Variants in IL1RAPL2 observed in about 807,000 individuals in gnomAD.
The protein encoded by IL1RAPL2 is interleukin 1 receptor accessory protein like 2, also known as X-linked interleukin-1 receptor accessory protein-like 2.
A neutral mutation model predicts 44.1 loss-of-function variants in IL1RAPL2; 3 were observed. That is an observed-to-expected ratio of 0.07 (90% CI 0.03 to 0.18). The LOEUF is 0.18. Ranked by LOEUF, IL1RAPL2 falls within the 10% of genes least tolerant of loss-of-function variation. The probability of loss-of-function intolerance (pLI) is 1.00; values close to 1 mark genes in which losing one functional copy is unlikely to be tolerated. For synonymous variants in IL1RAPL2, 181 were observed against 178.8 expected (o/e 1.01, Z -0.10); for missense variants, 391 against 496.4 (o/e 0.79, Z 2.02).
chrX:105,688,923 TC>T, intron 6 of IL1RAPL2, among the ~76,000 whole-genome samples: 1 of 110,922 alleles, frequency 9.0e-6, no homozygotes, highest in Non-Finnish European at 1.9e-5. Flanking sequence ...ACATCACACA[TC>T]TATAACAATC....
chrX:105,235,784 ATTATC>A (rs1273810425), intron 4 of IL1RAPL2, among the ~76,000 whole-genome samples: 1 of 112,424 alleles, frequency 8.9e-6, no homozygotes, highest in Non-Finnish European at 1.9e-5. Context: ...TGATTTCAAC[ATTATC>A]TTGTTTAAAT....
At chrX:105,724,215 C>A (rs1403942125) in intron 7 of IL1RAPL2, among the ~76,000 whole-genome samples, 14 of 108,635 alleles carry the variant, frequency 1.3e-4, no homozygotes, top group African/African-American at 4.9e-4. Context: ...TAAAACAATA[C>A]CTAGTAAAAA....
Position 104,779,684 on chromosome X carries a change from A to G in IL1RAPL2, c.82+120689A>G, listed in dbSNP as rs752764001. 3.6e-5 allele frequency among the ~76,000 whole-genome samples: 4 copies of G among 112,013 alleles called. No homozygotes were observed. In the South Asian group the frequency reaches 1.5e-3, roughly 42 times the overall value. ...TTTTAAAAAGGAAGGAACTAGGCAC[A>G]AGGAAGTTACATAGCTTGTCCAAGA... On this transcript the variant is annotated intron_variant, in intron 2 of 10. Coordinates refer to ENST00000372582, the MANE Select transcript of IL1RAPL2 (RefSeq NM_017416.2).
intron 2 of IL1RAPL2, among the ~76,000 whole-genome samples, chrX:104,664,096 C>T (rs972615647): frequency 1.2e-4 from 13 of 110,383 alleles, no homozygotes; most frequent in African/African-American, 3.6e-4. Context: ...TGGAATGTTC[C>T]ATTCTCTAAA....
intron 6 of IL1RAPL2, among the ~76,000 whole-genome samples, chrX:105,532,356 A>G (rs1345207972): frequency 1.8e-5 from 2 of 111,907 alleles, no homozygotes; most frequent in African/African-American, 6.5e-5. Context: ...TCACTCCTAC[A>G]TATAGACAAA....
intron 2 of IL1RAPL2, among the ~76,000 whole-genome samples, chrX:104,867,938 A>G (rs746662363): frequency 8.9e-6 from 1 of 112,079 alleles, no homozygotes; most frequent in Admixed American, 9.4e-5. Flanking sequence ...TTAACAGATT[A>G]ATCTGGAAGT....
intron 7 of IL1RAPL2, among the ~76,000 whole-genome samples, chrX:105,728,308 C>CACTT (rs1324583211): frequency 2.7e-5 from 3 of 111,527 alleles, no homozygotes; most frequent in African/African-American, 9.8e-5. Context: ...TGGCTTCTTT[C>CACTT]ACTTAGTAAT....
intron 5 of IL1RAPL2, among the ~76,000 whole-genome samples, chrX:105,335,466 C>T (rs184516513): frequency 1.8e-5 from 2 of 110,888 alleles, no homozygotes; most frequent in East Asian, 5.7e-4. Flanking sequence ...TTTTCTTCTC[C>T]TAGCAGCCAC....
rs549105191 is a variant in IL1RAPL2, at chrX:105,266,434, G to A, written c.544-954G>A. On this transcript the variant is annotated intron_variant, in intron 4 of 10. Coordinates refer to ENST00000372582, the MANE Select transcript of IL1RAPL2 (RefSeq NM_017416.2). ...TTGTACAGCATTCGGCTACCACTTT[G>A]GTAGAACATTTGAGGCGAATGATAG... 1.3e-3 allele frequency among the ~76,000 whole-genome samples: 141 copies of A among 111,487 alleles called. 1 individual carries two copies. The South Asian group carries it at 0.052, about 41-fold the overall frequency.
intron 2 of IL1RAPL2, among the ~76,000 whole-genome samples, chrX:105,038,189 C>T (rs1320611939): frequency 2.2e-5 from 2 of 90,411 alleles, no homozygotes; most frequent in Non-Finnish European, 4.3e-5. Flanking sequence ...CCTCTATCCA[C>T]TCCAATAAAC....
rs181867833 is a variant in IL1RAPL2, at chrX:105,196,033, G to A, written c.356+285G>A. 2.3e-3 allele frequency among the ~76,000 whole-genome samples: 260 copies of A among 111,600 alleles called. 1 individual carries two copies. Among genetic ancestry groups the A allele is most frequent in the Non-Finnish European group, 3.7e-3 (195 of 53,110 alleles). The stretch of plus-strand genomic sequence containing the variant: ...GCAGTGGCTCACACCTGTAATCCCA[G>A]CACTTTGGGAGGCTGAGGTGGGTGG... On this transcript the variant is annotated intron_variant, in intron 3 of 10. Coordinates refer to ENST00000372582, the MANE Select transcript of IL1RAPL2 (RefSeq NM_017416.2).
At chrX:105,144,753 G>A (rs964537671) in intron 2 of IL1RAPL2, among the ~76,000 whole-genome samples, 2 of 111,468 alleles carry the variant, frequency 1.8e-5, no homozygotes, top group Admixed American at 9.6e-5. Context: ...CCCAATGCCT[G>A]CCAATTTTAG....
intron 2 of IL1RAPL2, among the ~76,000 whole-genome samples, chrX:104,706,562 A>C (rs1197085893): frequency 8.9e-6 from 1 of 111,820 alleles, no homozygotes; most frequent in Non-Finnish European, 1.9e-5. Context: ...TTGTTCCCTT[A>C]AGTCTTCAAA....
At chrX:105,258,625 A>C (rs2034333639) in intron 4 of IL1RAPL2, among the ~76,000 whole-genome samples, 2 of 111,674 alleles carry the variant, frequency 1.8e-5, no homozygotes, top group Admixed American at 1.9e-4. Flanking sequence ...TGTTTTGTTC[A>C]TTCCTTTTTA....
intron 6 of IL1RAPL2, among the ~76,000 whole-genome samples, chrX:105,555,127 A>G (rs2036887924): frequency 9.8e-6 from 1 of 102,482 alleles, no homozygotes; most frequent in Non-Finnish European, 2.0e-5. Flanking sequence ...ATGCAAGTGC[A>G]GTTTAATATT....
At chrX:105,432,493 A>C (rs1314333809) in intron 5 of IL1RAPL2, among the ~76,000 whole-genome samples, 1 of 110,582 alleles carries the variant, frequency 9.0e-6, no homozygotes, top group Non-Finnish European at 1.9e-5. Flanking sequence ...TGGCTGTGGA[A>C]ATACAGATAG....
At chrX:104,681,092 A>T (rs1435619076) in intron 2 of IL1RAPL2, among the ~76,000 whole-genome samples, 1 of 111,746 alleles carries the variant, frequency 8.9e-6, no homozygotes, top group East Asian at 2.8e-4. Context: ...ATCCAATTCA[A>T]TTTTACTAAC....
At chrX:105,741,438 G>T (rs1481305117) in intron 8 of IL1RAPL2, among the ~76,000 whole-genome samples, 1 of 111,787 alleles carries the variant, frequency 8.9e-6, no homozygotes, top group Non-Finnish European at 1.9e-5. Context: ...TCCGGCAAAG[G>T]CTTTGCAAAT....
chrX:104,994,446 A>G (rs1216633898), intron 2 of IL1RAPL2, among the ~76,000 whole-genome samples: 1 of 111,812 alleles, frequency 8.9e-6, no homozygotes, highest in Non-Finnish European at 1.9e-5. Context: ...GTGATGTGAG[A>G]CACACAGGTT....
Sources: gnomAD v4.1 joint callset for allele counts (sites outside exome capture counted in the v4.1 genomes callset) on GRCh38, gnomAD v4.1.1 for gene constraint, MANE v1.5 for transcripts, NCBI Gene and HGNC (gene_info 2026-07-23, HGNC 2026-07-21) for gene names.